SFMBT1: variants seen among roughly 807,000 people sequenced by gnomAD.
SFMBT1 encodes Scm like with four mbt domains 1, also known as scm-like with four MBT domains protein 1.
SFMBT1 carries 32 observed loss-of-function variants against 108.7 expected under a neutral mutation model. That is an observed-to-expected ratio of 0.29 (90% CI 0.22 to 0.40). The LOEUF is 0.40. Among genes scored for constraint, SFMBT1 ranks in the 10% least tolerant of loss-of-function variants. SFMBT1 has a pLI of 1.00. For synonymous variants in SFMBT1, 348 were observed against 369.5 expected (o/e 0.94, Z 0.67); for missense variants, 816 against 1,059.6 (o/e 0.77, Z 3.19).
intron 1 of SFMBT1, among the ~76,000 whole-genome samples, chr3:52,983,417 T>C (rs938908203): frequency 6.6e-6 from 1 of 152,226 alleles, no homozygotes; most frequent in African/African-American, 2.4e-5. Flanking sequence ...AGTAGGCTAT[T>C]AGTAAAGTTT....
Position 52,995,924 on chromosome 3 carries a change from T to A in SFMBT1, c.-130-26666A>T, listed in dbSNP as rs1214050697. On this transcript the variant is annotated intron_variant, in intron 1 of 20. Transcript: ENST00000394752. ...CCGTCTCTACTAAAAATACAAAAATTAGCCAGGACAGTGGTATGTGCCTGT... is the reference window on the plus strand; with the variant it reads ...CCGTCTCTACTAAAAATACAAAAATAAGCCAGGACAGTGGTATGTGCCTGT... Among the ~76,000 whole-genome samples, 5 of 148,690 alleles carry A rather than the reference T, an allele frequency of 3.4e-5. 1 individual carries two copies. The highest frequency in any genetic ancestry group is 7.5e-5 in the Non-Finnish European group (5 of 66,510).
intron 1 of SFMBT1, among the ~76,000 whole-genome samples, chr3:52,970,291 C>T (rs1047460550): frequency 1.3e-5 from 2 of 152,132 alleles, no homozygotes; most frequent in Admixed American, 6.6e-5. Context: ...TATTCCATCC[C>T]TAAGCTCAAG....
chr3:53,045,143 C>T (rs1700181279), intron 1 of SFMBT1: 1 of 151,460 alleles, frequency 6.6e-6, no homozygotes. Context: ...GGCGCGGGGT[C>T]CAGCGGCGGT....
intron 1 of SFMBT1, among the ~76,000 whole-genome samples, chr3:53,032,958 C>T (rs1699736256): frequency 6.6e-6 from 1 of 152,128 alleles, no homozygotes; most frequent in Non-Finnish European, 1.5e-5. Flanking sequence ...CCCCCCACAC[C>T]TAAGCCTCTG....
Position 52,950,417 on chromosome 3 carries a change from C to T in SFMBT1, c.123+3900G>A, listed in dbSNP as rs190032520. Among the ~76,000 whole-genome samples, 4 of 152,294 alleles carry T rather than the reference C, an allele frequency of 2.6e-5. No individual in the cohort carries two copies. The East Asian group carries it at 7.7e-4, about 29-fold the overall frequency. ...GCTACCATTTATATATGTAAGCATGCCTTAGCATATATTTATACATAAGCA... is the reference window on the plus strand; with the variant it reads ...GCTACCATTTATATATGTAAGCATGTCTTAGCATATATTTATACATAAGCA... On this transcript the variant is annotated intron_variant, in intron 3 of 20. Transcript: ENST00000394752.
At chr3:52,987,665 C>CGTAT (rs1704974637) in intron 1 of SFMBT1, among the ~76,000 whole-genome samples, 1 of 152,114 alleles carries the variant, frequency 6.6e-6, no homozygotes, top group South Asian at 2.1e-4. Flanking sequence ...ATGTCTTATA[C>CGTAT]CATAGAGTGA....
intron 3 of SFMBT1, among the ~76,000 whole-genome samples, chr3:52,947,537 T>C (rs2106822187): frequency 6.6e-6 from 1 of 152,344 alleles, no homozygotes; most frequent in Middle Eastern, 3.4e-3. Context: ...TTTAGATTTC[T>C]TTTGGGAAAT....
chr3:52,997,429 G>A (rs1031580085), intron 1 of SFMBT1, among the ~76,000 whole-genome samples: 7 of 148,864 alleles, frequency 4.7e-5, no homozygotes, highest in Admixed American at 2.7e-4. Context: ...CCAGCTACTC[G>A]GGAGGCTGAG....
intron 1 of SFMBT1, among the ~76,000 whole-genome samples, chr3:52,980,474 A>G (rs1213774825): frequency 2.6e-5 from 4 of 152,178 alleles, no homozygotes; most frequent in Non-Finnish European, 5.9e-5. Context: ...ACTGTATTTA[A>G]TAACACCGTA....
At chr3:53,017,068 A>G (rs1699149254) in intron 1 of SFMBT1, among the ~76,000 whole-genome samples, 2 of 152,234 alleles carry the variant, frequency 1.3e-5, no homozygotes, top group African/African-American at 4.8e-5. Context: ...AGGATCTACT[A>G]TGCTACTATG....
intron 19 of SFMBT1, 52 bp downstream of exon 19, chr3:52,907,017 T>C (rs1444802065): frequency 7.8e-5 from 121 of 1,553,168 alleles, no homozygotes; most frequent in Non-Finnish European, 1.0e-4. Flanking sequence ...ATATTCCAGA[T>C]GGAAATTCCA....
chr3:52,983,928 C>T (rs1704814149), intron 1 of SFMBT1, among the ~76,000 whole-genome samples: 1 of 152,088 alleles, frequency 6.6e-6, no homozygotes, highest in Non-Finnish European at 1.5e-5. Context: ...CACTCTGCAG[C>T]TATGTGAGAA....
In SFMBT1 at chr3:53,036,357, T is replaced by C. The variant is rs542883368; in HGVS notation, c.-131+9459A>G. On this transcript the variant is annotated intron_variant, in intron 1 of 20. Transcript: ENST00000394752. ...GAAAGATTTCATTTGAACAAAGGGT[T>C]CCACAACTTTAAAAACACTTGAAAA... Among the ~76,000 whole-genome samples the C allele has an allele frequency of 5.3e-5, 8 of 152,324 alleles. No individual in the cohort carries two copies. The South Asian group carries it at 1.7e-3, about 32-fold the overall frequency.
chr3:53,012,018 T>G (rs1443043835), intron 1 of SFMBT1, among the ~76,000 whole-genome samples: 1 of 152,210 alleles, frequency 6.6e-6, no homozygotes, highest in Admixed American at 6.5e-5. Context: ...CTAACACTTT[T>G]TAAGTATCTA....
rs1021725159 is a variant in SFMBT1 at position 53,032,933 on chromosome 3, C to G, written c.-131+12883G>C. ...GGCCTTAAAGGACAAACAGGGATTT[C>G]TTTAGCAGAACATTCCCCCCACACC... On this transcript the variant is annotated intron_variant, in intron 1 of 20. Transcript: ENST00000394752. Among the ~76,000 whole-genome samples the G allele has an allele frequency of 3.0e-4, 46 of 152,134 alleles. 1 individual carries two copies. The highest frequency in any genetic ancestry group is 2.7e-3 in the Admixed American group (41 of 15,258).
intron 1 of SFMBT1, among the ~76,000 whole-genome samples, chr3:52,975,027 C>G (rs73087044): frequency 0.27 from 40,695 of 151,200 alleles, 6,029 homozygotes; most frequent in Middle Eastern, 0.4. Flanking sequence ...AAATCTGAGC[C>G]AAACCTTTTC....
At chr3:53,034,557 G>A (rs1358940213) in intron 1 of SFMBT1, among the ~76,000 whole-genome samples, 1 of 151,728 alleles carries the variant, frequency 6.6e-6, no homozygotes, top group Non-Finnish European at 1.5e-5. Flanking sequence ...TCCAGCCTGG[G>A]TGACAACAGT....
rs1702846704 is a variant in SFMBT1 at position 52,931,168 on chromosome 3, C to T, written c.701-133G>A. ...GAAAAGGGTTCAAGCCCACTTATAT[C>T]CCTTTACATTCAAAGAACTTGCACC... On this transcript the variant is annotated intron_variant, in intron 6 of 20. Transcript: ENST00000394752. 4.2e-6 allele frequency: 3 copies of T among 711,184 alleles called. No individual in the cohort carries two copies. In the East Asian group the frequency reaches 8.1e-5, roughly 19 times the overall value. 44.1% of individuals were successfully genotyped at this position (711,184 alleles called of 1,614,324 possible).
rs1702063397 is a variant in SFMBT1, at chr3:52,906,254, C to T, written c.2332-13G>A. ...CGATCCTTATTTCCTTCATTCCCCA[C>T]AACACAATCAAACCAAATGGTGTTA... is the stretch of plus-strand genomic sequence containing the variant. On this transcript the variant is annotated splice_polypyrimidine_tract_variant and intron_variant, in intron 19 of 20. Transcript: ENST00000394752. 2 of 1,613,944 alleles carry T rather than the reference C, an allele frequency of 1.2e-6. No homozygotes were observed. The highest frequency in any genetic ancestry group is 1.7e-5 in the Admixed American group (1 of 60,020).
Sources: allele counts gnomAD v4.1 joint callset (sites outside exome capture counted in the v4.1 genomes callset), GRCh38; gene constraint gnomAD v4.1.1; transcripts MANE v1.5; gene names NCBI Gene and HGNC (gene_info 2026-07-23, HGNC 2026-07-21).